NRXN3: variants seen among roughly 807,000 people sequenced by gnomAD.
NRXN3 encodes the protein neurexin 3.
In NRXN3, 32 loss-of-function variants were observed where a neutral mutation model predicts 137.6. The observed-to-expected ratio is 0.23, with a 90% CI of 0.18 to 0.31. The LOEUF is 0.31. NRXN3 is among the 10% of genes least tolerant of loss of function. The pLI is 1.00. For synonymous variants in NRXN3, 798 were observed against 784.5 expected (o/e 1.02, Z -0.29); for missense variants, 1,574 against 2,062.5 (o/e 0.76, Z 4.59).
At chr14:79,477,262 A>C (rs933476520) in intron 16 of NRXN3, among the ~76,000 whole-genome samples, 1 of 152,048 alleles carries the variant, frequency 6.6e-6, no homozygotes, top group Admixed American at 6.6e-5. Context: ...ATTCAATTGG[A>C]CCGTAATGAA....
intron 10 of NRXN3, among the ~76,000 whole-genome samples, chr14:78,915,148 T>A (rs370472809): frequency 1.3e-5 from 2 of 151,750 alleles, no homozygotes; most frequent in African/African-American, 4.8e-5. Context: ...TGCCTTCCAT[T>A]GTCAGTGGTA....
At chr14:78,795,163 C>T (rs1293547134) in intron 8 of NRXN3, among the ~76,000 whole-genome samples, 5 of 152,060 alleles carry the variant, frequency 3.3e-5, no homozygotes, top group East Asian at 1.9e-4. Context: ...AATGAAAGAC[C>T]GAGGAAATCA....
chr14:79,173,480 G>T (rs1032768597), intron 15 of NRXN3, among the ~76,000 whole-genome samples: 1 of 139,872 alleles, frequency 7.1e-6, no homozygotes, highest in East Asian at 2.2e-4. Context: ...ACAGTGGGCC[G>T]TGTTCATGCC....
intron 14 of NRXN3, among the ~76,000 whole-genome samples, chr14:78,985,692 A>T (rs1405492611): frequency 6.6e-6 from 1 of 152,166 alleles, no homozygotes; most frequent in African/African-American, 2.4e-5. Flanking sequence ...TAAACCTTCC[A>T]TGTGTTTCTG....
At chr14:79,248,681 T>A (rs181161267) in intron 15 of NRXN3, 1 of 152,258 alleles carries the variant, frequency 6.6e-6, no homozygotes, top group Non-Finnish European at 1.5e-5. Flanking sequence ...CGCCAATGCC[T>A]TATACTGTAA....
chr14:78,915,448 C>A (rs1476815831), intron 10 of NRXN3, among the ~76,000 whole-genome samples: 1 of 145,358 alleles, frequency 6.9e-6, no homozygotes, highest in East Asian at 2.1e-4. Flanking sequence ...AAATAGTATT[C>A]AATTTTCTGT....
chr14:78,647,604 C>G (rs574708657), intron 5 of NRXN3, among the ~76,000 whole-genome samples: 1 of 152,270 alleles, frequency 6.6e-6, no homozygotes, highest in Non-Finnish European at 1.5e-5. Flanking sequence ...AGAGGCCCTA[C>G]AGTATTGGGG....
At chr14:78,389,607 T>C (rs2090486645) in intron 4 of NRXN3, among the ~76,000 whole-genome samples, 1 of 152,206 alleles carries the variant, frequency 6.6e-6, no homozygotes, top group East Asian at 1.9e-4. Flanking sequence ...TTTCCTCTTA[T>C]TATTTTGATG....
At chr14:79,803,462 C>T (rs192759833) in intron 19 of NRXN3, among the ~76,000 whole-genome samples, 27 of 152,098 alleles carry the variant, frequency 1.8e-4, no homozygotes, top group Non-Finnish European at 3.8e-4. Context: ...TATCTGCCAG[C>T]GTCTTTATAT....
chr14:78,373,704 T>A (rs1304536175), intron 4 of NRXN3, among the ~76,000 whole-genome samples: 1 of 152,100 alleles, frequency 6.6e-6, no homozygotes, highest in Non-Finnish European at 1.5e-5. Context: ...GTGATGGAAA[T>A]GCAAGGCAGA....
chr14:79,362,914 T>G (rs1427199732), intron 15 of NRXN3, among the ~76,000 whole-genome samples: 18 of 152,226 alleles, frequency 1.2e-4, no homozygotes, highest in Admixed American at 1.2e-3. Context: ...AGCTTGGATT[T>G]GGGCAATAGA....
At chr14:78,734,206 AACACACACAC>A (rs10563958) in intron 8 of NRXN3, among the ~76,000 whole-genome samples, 8,240 of 137,718 alleles carry the variant, frequency 0.06, 326 homozygotes, top group East Asian at 0.22. Context: ...CTGCATCTGA[AACACACACAC>A]ACACACACAC....
intron 4 of NRXN3, among the ~76,000 whole-genome samples, chr14:78,471,516 C>T (rs1479710859): frequency 6.6e-6 from 1 of 152,160 alleles, no homozygotes; most frequent in Non-Finnish European, 1.5e-5. Flanking sequence ...CAGGTCTGCT[C>T]CCTCTCCTTC....
chr14:79,340,501 T>A (rs552594151), intron 15 of NRXN3, among the ~76,000 whole-genome samples: 1 of 152,306 alleles, frequency 6.6e-6, no homozygotes, highest in African/African-American at 2.4e-5. Flanking sequence ...GTTTTCCTCT[T>A]ATTGCCCAGG....
chr14:79,797,957 A>G (rs1362835169), intron 19 of NRXN3, among the ~76,000 whole-genome samples: 3 of 151,996 alleles, frequency 2.0e-5, no homozygotes, highest in Non-Finnish European at 4.4e-5. Context: ...TAAATTATTC[A>G]GGTGTGGTGG....
intron 10 of NRXN3, among the ~76,000 whole-genome samples, chr14:78,903,812 T>C (rs1242732430): frequency 6.6e-6 from 1 of 152,064 alleles, no homozygotes; most frequent in Non-Finnish European, 1.5e-5. Flanking sequence ...CAATTTTATA[T>C]GATGCCTCAA....
Position 79,393,698 on chromosome 14 carries a change from C to T in NRXN3, c.3263-73523C>T, listed in dbSNP as rs191878403. ...GGCGTGGTGGCGGGCGCCTATAGTC[C>T]CAGCTACTCGGGAGGCTGAGGCAGG... On this transcript the variant is annotated intron_variant, in intron 15 of 20. Transcript: ENST00000335750. Among the ~76,000 whole-genome samples, 247 of 152,176 alleles carry T rather than the reference C, an allele frequency of 1.6e-3. 1 individual carries two copies. Among genetic ancestry groups the T allele is most frequent in the African/African-American group, 5.6e-3 (233 of 41,502 alleles).
At chr14:79,209,417 C>T (rs2067302289) in intron 15 of NRXN3, among the ~76,000 whole-genome samples, 1 of 151,890 alleles carries the variant, frequency 6.6e-6, no homozygotes, top group African/African-American at 2.4e-5. Flanking sequence ...ACTAGGGAAA[C>T]TTCTCCAAAA....
intron 10 of NRXN3, among the ~76,000 whole-genome samples, chr14:78,883,990 A>C (rs2099136288): frequency 6.6e-6 from 1 of 152,216 alleles, no homozygotes; most frequent in Non-Finnish European, 1.5e-5. Context: ...TGAGTGATTC[A>C]GACGAATAGT....
Sources: allele counts gnomAD v4.1 joint callset (sites outside exome capture counted in the v4.1 genomes callset), GRCh38; gene constraint gnomAD v4.1.1; transcripts MANE v1.5; gene names NCBI Gene and HGNC (gene_info 2026-07-23, HGNC 2026-07-21).